MICAL1: variants seen among roughly 807,000 people sequenced by gnomAD.
MICAL1 encodes the protein microtubule associated monooxygenase, calponin and LIM domain containing 1.
A neutral mutation model predicts 131.8 loss-of-function variants in MICAL1; 95 were observed. The ratio of observed to expected loss-of-function variants is 0.72; its 90% CI spans 0.61 to 0.86. The LOEUF (loss-of-function observed/expected upper bound fraction) is 0.86. Ranked by LOEUF, MICAL1 falls within the 40% of genes least tolerant of loss-of-function variation. MICAL1 has a pLI of 0.00. For missense variants in MICAL1, 1,292 were observed against 1,380.6 expected (o/e 0.94, Z 1.02); for synonymous variants, 546 against 554.2 (o/e 0.99, Z 0.21).
At chr6:109,455,933 T>C, upstream of MICAL1, 1 of 985,458 alleles carries the variant, frequency 1.0e-6, no homozygotes, top group Non-Finnish European at 1.2e-6. The surrounding 1 kb of genome is among the most constrained non-coding windows in gnomAD (Gnocchi z 4.7). Context: ...CGCGACTCAT[T>C]AGCATCTCAT....
intron 4 of MICAL1, 21 bp from the exon 5 acceptor site, chr6:109,452,636 G>A: frequency 6.3e-7 from 1 of 1,596,092 alleles, no homozygotes. Flanking sequence ...GGGTATGAGA[G>A]GCACAAAGGT....
chr6:109,454,279 A>G, intron 1 of MICAL1, 40 bp from the exon 2 acceptor site: 1 of 1,500,702 alleles, frequency 6.7e-7, no homozygotes, highest in Non-Finnish European at 8.9e-7. Context: ...GCTGGAGAAC[A>G]GAAGAAATAA....
rs768806038 is a variant in MICAL1 at position 109,453,220 on chromosome 6, T to A, written c.571+43A>T. The A allele has an allele frequency of 5.9e-6, 9 of 1,520,712 alleles. No individual in the cohort carries two copies. In the East Asian group the frequency reaches 1.4e-4, roughly 23 times the overall value. 94.2% of individuals were successfully genotyped at this position (1,520,712 alleles called of 1,614,324 possible). ...CTTTTTCAGACACTGGCCAAGTTCT[T>A]GATGGGGGAGGGGGAGATTCCAGGG... On this transcript the variant is annotated intron_variant, in intron 4 of 24. Coordinates refer to ENST00000358807, the MANE Select transcript of MICAL1 (RefSeq NM_022765.4).
chr6:109,444,328 T>C lies in MICAL1; in HGVS notation c.3067A>G (p.Thr1023Ala). 1 of 1,613,490 alleles carries C rather than the reference T, an allele frequency of 6.2e-7. No individual in the cohort carries two copies. Among genetic ancestry groups the C allele is most frequent in the Non-Finnish European group, 8.5e-7 (1 of 1,180,028 alleles). ...TCCTCAGCCTGCCGATCAGCAGCTG[T>C]CTTTAGGTTTTCTAAAAGGAGGAGA... Reference protein sequence around the residue: ...GYMNREENLKTAADRQAEDQV... With the variant: ...GYMNREENLKAAADRQAEDQV... The change falls in exon 25 of 25, where the codon ACA (threonine) becomes GCA (alanine). Residue 1023 changes from threonine (T) to alanine (A), a missense_variant. Physicochemically the swap from Thr to Ala is moderately conservative, Grantham distance 58. Transcript: ENST00000358807.
At chr6:109,453,477 A>C in intron 3 of MICAL1, 110 bp from the exon 4 acceptor site, 1 of 1,496,826 alleles carries the variant, frequency 6.7e-7, no homozygotes. Context: ...GCAATCACTC[A>C]GCCCAAAAGC....
chr6:109,453,994 T>A lies in MICAL1; in HGVS notation c.203A>T (p.Asp68Val). 2 of 1,614,114 alleles carry A rather than the reference T, an allele frequency of 1.2e-6. No homozygotes were observed. Among genetic ancestry groups the A allele is most frequent in the Non-Finnish European group, 8.5e-7 (1 of 1,180,038 alleles). The change falls in exon 2 of 25, where the codon GAC (aspartate) becomes GTC (valine). Residue 68 changes from aspartate to valine, a missense_variant. Physicochemically the swap from Asp to Val is radical, Grantham distance 152. Coordinates refer to ENST00000358807, the MANE Select transcript of MICAL1 (RefSeq NM_022765.4). The stretch of plus-strand genomic sequence containing the variant: ...GTAGACAGGCTGGCCTGCTCGCTTG[T>A]CCAGCTTGGTCCACAGTGACTTGGC... ...WSAKSLWTKLDKRAGQPVYQQ... is the reference protein window; with the variant it reads ...WSAKSLWTKLVKRAGQPVYQQ...
chr6:109,459,776 A>G (rs1265995135), upstream of MICAL1, among the ~76,000 whole-genome samples: 46 of 152,196 alleles, frequency 3.0e-4, no homozygotes, highest in Non-Finnish European at 1.2e-4. Flanking sequence ...CACTAAGATT[A>G]TAAGAAACAT....
At chr6:109,452,124 T>C in intron 6 of MICAL1, 122 bp downstream of exon 6, 1 of 1,470,928 alleles carries the variant, frequency 6.8e-7, no homozygotes, top group Non-Finnish European at 8.9e-7. Context: ...CCTTTGCTGC[T>C]GAGACCAAAA....
chr6:109,449,126 G>A, intron 11 of MICAL1: 2 of 662,466 alleles, frequency 3.0e-6, no homozygotes, highest in Non-Finnish European at 5.3e-6. Flanking sequence ...GAGGGCAGCA[G>A]ACTAAACTGG....
upstream of MICAL1, chr6:109,455,973 G>A (rs1425620357): frequency 4.1e-6 from 4 of 985,564 alleles, no homozygotes; most frequent in Non-Finnish European, 4.8e-6. The surrounding 1 kb of genome is among the most constrained non-coding windows in gnomAD (Gnocchi z 4.7). Flanking sequence ...CGCCTCCAGC[G>A]GGGACAGTCT....
chr6:109,446,898 G>T, intron 17 of MICAL1, 126 bp from the exon 18 acceptor site: 1 of 1,240,992 alleles, frequency 8.1e-7, no homozygotes, highest in East Asian at 2.5e-5. Context: ...CCAGCCTCCT[G>T]TTCCTCAGAA....
chr6:109,449,167 C>T, intron 11 of MICAL1: 4 of 678,210 alleles, frequency 5.9e-6, no homozygotes, highest in Non-Finnish European at 1.1e-5. Context: ...ACCACTATGG[C>T]TGTAACGGTG....
At chr6:109,455,826 G>A (rs927278604), upstream of MICAL1, 22 of 985,408 alleles carry the variant, frequency 2.2e-5, no homozygotes, top group Non-Finnish European at 2.7e-5. This position sits in a 1 kb window ranked among gnomAD's most constrained non-coding sequence, Gnocchi z 4.7. Context: ...GAGATCGGGC[G>A]GGGATGCTGG....
chr6:109,456,391 C>G (rs371842141), upstream of MICAL1, among the ~76,000 whole-genome samples: 2 of 152,208 alleles, frequency 1.3e-5, no homozygotes, highest in East Asian at 3.9e-4. Flanking sequence ...GCAGAGTGCG[C>G]CTCCTGTGAC....
In MICAL1 at chr6:109,455,554, A is replaced by T. The variant is rs1408695046; in HGVS notation, c.-44+165T>A. The stretch of plus-strand genomic sequence containing the variant: ...CAGCGGTGGGGGTCCCCGACACTGG[A>T]CGGCAAAGTCCGGACGCGGCGTGAG... On this transcript the variant is annotated intron_variant, in intron 1 of 24. Coordinates refer to ENST00000358807, the MANE Select transcript of MICAL1 (RefSeq NM_022765.4). This position sits in a 1 kb window ranked among gnomAD's most constrained non-coding sequence, Gnocchi z 4.7. The T allele has an allele frequency of 1.8e-5, 6 of 342,550 alleles. No individual in the cohort carries two copies. The highest frequency in any genetic ancestry group is 2.5e-5 in the Non-Finnish European group (6 of 241,852). The allele number at this position is 342,550 out of a possible 1,614,324, so 21.2% of individuals were successfully genotyped here. A position where few individuals can be genotyped will look rare whatever the true frequency, so the allele number is the denominator to read the frequency against.
chr6:109,460,221 G>A (rs1031000254), upstream of MICAL1, among the ~76,000 whole-genome samples: 4 of 151,984 alleles, frequency 2.6e-5, no homozygotes, highest in African/African-American at 7.3e-5. Flanking sequence ...CTGGGAGGCT[G>A]AGGTGGGAGG....
chr6:109,450,633 C>G, intron 7 of MICAL1, 76 bp from the exon 8 acceptor site: 1 of 1,484,814 alleles, frequency 6.7e-7, no homozygotes, highest in Non-Finnish European at 9.0e-7. Flanking sequence ...CCCTTGGGCG[C>G]AGAAGGTGCA....
rs538110994 is a variant in MICAL1 at position 109,447,563 on chromosome 6, G to T, written c.1986+118C>A. ...TGAGACTAGGCAGGGAGGCTGGATG[G>T]GGGGGTTACAGGACCTGGGGTGGGG... On this transcript the variant is annotated intron_variant, in intron 15 of 24. Transcript: ENST00000358807. 2.9e-5 allele frequency: 44 copies of T among 1,535,630 alleles called. 1 individual carries two copies. Among genetic ancestry groups the T allele is most frequent in the South Asian group, 1.8e-4 (16 of 88,884 alleles).
At chr6:109,445,093 G>A in intron 22 of MICAL1, 98 bp from the exon 23 acceptor site, 1 of 1,559,230 alleles carries the variant, frequency 6.4e-7, no homozygotes, top group Non-Finnish European at 8.8e-7. Flanking sequence ...GGTGTCACAG[G>A]TATGTGTTAG....
Sources: allele counts gnomAD v4.1 joint callset (sites outside exome capture counted in the v4.1 genomes callset), GRCh38; gene constraint gnomAD v4.1.1; non-coding constraint Gnocchi (gnomAD v3.1); transcripts MANE v1.5; gene names NCBI Gene and HGNC (gene_info 2026-07-23, HGNC 2026-07-21).